PDLIM5: variants seen among roughly 807,000 people sequenced by gnomAD.
The protein encoded by PDLIM5 is PDZ and LIM domain protein 5.
PDLIM5 carries 34 observed loss-of-function variants against 64.2 expected under a neutral mutation model. The ratio of observed to expected loss-of-function variants is 0.53; its 90% CI spans 0.40 to 0.71. PDLIM5 has a LOEUF of 0.71. PDLIM5 is among the 30% of genes least tolerant of loss of function. The pLI is 0.00. For missense variants in PDLIM5, 683 were observed against 733.6 expected, an observed-to-expected ratio of 0.93 and a Z score of 0.80; for synonymous variants, 253 against 269.1, an observed-to-expected ratio of 0.94 and a Z score of 0.59.
intron 2 of PDLIM5, among the ~76,000 whole-genome samples, chr4:94,492,600 A>G (rs1182542944): frequency 1.3e-5 from 2 of 151,974 alleles, no homozygotes; most frequent in Admixed American, 6.6e-5. Context: ...GGATTTACCT[A>G]TTCTGGGTAT....
At chr4:94,473,847 G>A (rs1725092002) in intron 2 of PDLIM5, among the ~76,000 whole-genome samples, 2 of 152,156 alleles carry the variant, frequency 1.3e-5, no homozygotes, top group African/African-American at 4.8e-5. Context: ...TGTTTGATAT[G>A]TAGGAAGAGT....
At chr4:94,459,912 A>G (rs1441671539) in intron 2 of PDLIM5, among the ~76,000 whole-genome samples, 1 of 152,188 alleles carries the variant, frequency 6.6e-6, no homozygotes, top group Non-Finnish European at 1.5e-5. Flanking sequence ...AATGTAGTTG[A>G]GCGATTCTCC....
At chr4:94,636,183 CTGA>C (rs1444527957) in intron 8 of PDLIM5, among the ~76,000 whole-genome samples, 1 of 152,074 alleles carries the variant, frequency 6.6e-6, no homozygotes, top group African/African-American at 2.4e-5. Context: ...TTTACAATGA[CTGA>C]TGGAGAATTA....
At chr4:94,512,004 G>A (rs1437520949) in intron 2 of PDLIM5, among the ~76,000 whole-genome samples, 2 of 151,924 alleles carry the variant, frequency 1.3e-5, no homozygotes, top group Non-Finnish European at 2.9e-5. Context: ...CAGTGGGATT[G>A]CTGGATCATA....
chr4:94,517,155 T>G (rs1327588913), intron 2 of PDLIM5, among the ~76,000 whole-genome samples: 2 of 152,148 alleles, frequency 1.3e-5, no homozygotes, highest in African/African-American at 4.8e-5. Context: ...GGGATTTTAT[T>G]TATTTGTGTT....
rs546300294 is a variant in PDLIM5, at chr4:94,643,985, G to A, written c.1283+3535G>A. Among the ~76,000 whole-genome samples, 11 of 152,104 alleles carry A rather than the reference G, an allele frequency of 7.2e-5. No homozygotes were observed. The South Asian group carries it at 2.1e-3, about 29-fold the overall frequency. The stretch of plus-strand genomic sequence containing the variant: ...TCCTGGAAATGTATTATTAGCCCTT[G>A]TATTTAAGGAAACAACTAAAGACAT... On this transcript the variant is annotated intron_variant, in intron 9 of 12. Coordinates refer to ENST00000317968, the MANE Select transcript of PDLIM5 (RefSeq NM_006457.5).
chr4:94,605,344 A>G (rs2110360447), intron 7 of PDLIM5, among the ~76,000 whole-genome samples: 1 of 151,972 alleles, frequency 6.6e-6, no homozygotes, highest in African/African-American at 2.4e-5. Context: ...GAACAAGTGC[A>G]GAGATGGTGC....
At chr4:94,554,541 A>G (rs1268204924) in intron 3 of PDLIM5, among the ~76,000 whole-genome samples, 2 of 152,206 alleles carry the variant, frequency 1.3e-5, no homozygotes, top group Non-Finnish European at 2.9e-5. Context: ...TCAGGAAGAT[A>G]GGTGTGAACA....
At chr4:94,655,113 A>G (rs1742111056) in intron 10 of PDLIM5, among the ~76,000 whole-genome samples, 2 of 152,214 alleles carry the variant, frequency 1.3e-5, no homozygotes, top group African/African-American at 2.4e-5. Flanking sequence ...AGGTTTATAA[A>G]TGATATATTT....
At chr4:94,593,613 G>T (rs1736844296) in intron 7 of PDLIM5, among the ~76,000 whole-genome samples, 1 of 152,012 alleles carries the variant, frequency 6.6e-6, no homozygotes, top group African/African-American at 2.4e-5. Flanking sequence ...TTGGGTCAGG[G>T]TCCCACCCTT....
intron 7 of PDLIM5, among the ~76,000 whole-genome samples, chr4:94,607,502 T>C (rs1738022021): frequency 1.3e-5 from 2 of 152,224 alleles, no homozygotes; most frequent in African/African-American, 4.8e-5. Flanking sequence ...ATCTGTTGTA[T>C]GAGCAGATAA....
chr4:94,469,960 ATTTTTTTTTTTTTTT>A (rs34572366), intron 2 of PDLIM5, among the ~76,000 whole-genome samples: 2 of 71,568 alleles, frequency 2.8e-5, no homozygotes, highest in South Asian at 1.3e-3. Context: ...CATTCTTTTA[ATTTTTTTTTTTTTTT>A]TTTTTTTTTG....
Position 94,522,016 on chromosome 4 carries a change from G to C in PDLIM5, c.97-1708G>C, listed in dbSNP as rs11932435. On this transcript the variant is annotated intron_variant, in intron 2 of 12. Coordinates refer to ENST00000317968, the MANE Select transcript of PDLIM5 (RefSeq NM_006457.5). ...TCTTCCAGATTTGACTTTTATTTTA[G>C]GATTAAACATGTAACTTTGTATAGG... 9.0e-3 allele frequency among the ~76,000 whole-genome samples: 1,363 copies of C among 152,122 alleles called. 18 individuals are homozygous for C. Among genetic ancestry groups the C allele is most frequent in the African/African-American group, 0.031 (1,278 of 41,506 alleles).
At chr4:94,642,931 A>T (rs1741112125) in intron 9 of PDLIM5, among the ~76,000 whole-genome samples, 1 of 152,204 alleles carries the variant, frequency 6.6e-6, no homozygotes, top group South Asian at 2.1e-4. Flanking sequence ...GTTTTCTGTC[A>T]TATAATTTAT....
chr4:94,455,161 C>T (rs963309258), intron 1 of PDLIM5, 86 bp from the exon 2 acceptor site: 7 of 601,774 alleles, frequency 1.2e-5, no homozygotes, highest in Non-Finnish European at 2.1e-5. Flanking sequence ...TATCCTCTCA[C>T]CCCCCTCAAA....
chr4:94,522,776 A>T (rs896538368), intron 2 of PDLIM5, among the ~76,000 whole-genome samples: 1 of 152,196 alleles, frequency 6.6e-6, no homozygotes, highest in Non-Finnish European at 1.5e-5. Flanking sequence ...TTTTAGTTTC[A>T]AGTACTAGAG....
rs188682712 is a variant in PDLIM5, at chr4:94,663,728, A to G, written c.1702-250A>G. On this transcript the variant is annotated intron_variant, in intron 12 of 12. Transcript: ENST00000317968. Reference sequence around the variant, plus strand: ...GATAAATCTTCCCTCTGGATAAAGAAAAGTGATGATCAGTGCTTTCTATAA... The same window carrying G: ...GATAAATCTTCCCTCTGGATAAAGAGAAGTGATGATCAGTGCTTTCTATAA... Among the ~76,000 whole-genome samples, 416 of 152,346 alleles carry G rather than the reference A, an allele frequency of 2.7e-3. 2 individuals are homozygous for G. Among genetic ancestry groups the G allele is most frequent in the Non-Finnish European group, 2.8e-3 (189 of 68,030 alleles).
At chr4:94,654,404 G>T in intron 9 of PDLIM5, 56 bp from the exon 10 acceptor site, 1 of 1,159,598 alleles carries the variant, frequency 8.6e-7, no homozygotes, top group Non-Finnish European at 1.3e-6. Context: ...TCCATATCCA[G>T]GCTAACTCTA....
intron 9 of PDLIM5, among the ~76,000 whole-genome samples, chr4:94,644,088 T>C (rs1741211638): frequency 6.6e-6 from 1 of 152,220 alleles, no homozygotes; most frequent in African/African-American, 2.4e-5. Flanking sequence ...AACATAAATG[T>C]GCAGCATCTA....
Sources: gnomAD v4.1 joint callset for allele counts (sites outside exome capture counted in the v4.1 genomes callset) on GRCh38, gnomAD v4.1.1 for gene constraint, MANE v1.5 for transcripts, NCBI Gene and HGNC (gene_info 2026-07-23, HGNC 2026-07-21) for gene names.